PCNX2: variants seen among roughly 807,000 people sequenced by gnomAD.
The protein encoded by PCNX2 is pecanex-like protein 2.
In PCNX2, 168 loss-of-function variants were observed where a neutral mutation model predicts 223.8. The ratio of observed to expected loss-of-function variants is 0.75; its 90% CI spans 0.66 to 0.85. PCNX2 has a LOEUF of 0.85. PCNX2 is among the 40% of genes least tolerant of loss of function. The pLI is 0.00. For missense variants in PCNX2, 2,507 were observed against 2,675.5 expected (o/e 0.94, Z 1.39); for synonymous variants, 1,006 against 1,052.6 (o/e 0.96, Z 0.86).
At chr1:233,287,641 A>T (rs1245538360) in intron 1 of PCNX2, among the ~76,000 whole-genome samples, 4 of 152,166 alleles carry the variant, frequency 2.6e-5, no homozygotes, top group African/African-American at 7.2e-5. Context: ...TCTTTCCTTT[A>T]TAAACTACCC....
chr1:233,241,936 C>T (rs1377348827), intron 8 of PCNX2, among the ~76,000 whole-genome samples: 1 of 152,038 alleles, frequency 6.6e-6, no homozygotes, highest in African/African-American at 2.4e-5. Context: ...TATTTATTGC[C>T]GTTTTCTGCC....
chr1:233,275,086 T>C (rs1354765876), intron 1 of PCNX2, among the ~76,000 whole-genome samples: 1 of 152,170 alleles, frequency 6.6e-6, no homozygotes, highest in African/African-American at 2.4e-5. Context: ...AACAGTAAAG[T>C]GTGATATAAA....
intron 21 of PCNX2, among the ~76,000 whole-genome samples, chr1:233,120,164 C>CAAAAAA (rs1228898502): frequency 4.5e-4 from 19 of 42,578 alleles, no homozygotes; most frequent in South Asian, 8.8e-4. Context: ...GACTCCATTT[C>CAAAAAA]AAAAAAAAAA....
chr1:233,023,458 C>A (rs556823760), intron 26 of PCNX2, among the ~76,000 whole-genome samples: 1 of 152,292 alleles, frequency 6.6e-6, no homozygotes, highest in African/African-American at 2.4e-5. Flanking sequence ...TTTTCTGTGT[C>A]CTTTCCTCTA....
At position 232,986,186 on chromosome 1, in the gene PCNX2, G is replaced by A. The variant is rs976560263; in HGVS notation, c.6146C>T (p.Ala2049Val). ...SSALVISGLS[A>V]AEGGNTSDTQ... ...GTCACTGGTATTGCCCCCCTCCGCA[G>A]CAGAGAGTCCGGAAATGACGAGCGC... The change falls in exon 33 of 34, where the codon GCT (alanine) becomes GTT (valine). Residue 2049 changes from alanine (A) to valine (V), a missense_variant. Physicochemically the swap from Ala to Val is moderately conservative, Grantham distance 64. Transcript: ENST00000258229. 2.9e-5 allele frequency: 45 copies of A among 1,561,658 alleles called. No homozygotes were observed. The highest frequency in any genetic ancestry group is 3.7e-5 in the Non-Finnish European group (43 of 1,152,186).
At chr1:233,054,195 T>C (rs950769987) in intron 25 of PCNX2, 73 bp downstream of exon 25, 2 of 1,391,666 alleles carry the variant, frequency 1.4e-6, no homozygotes, top group African/African-American at 2.9e-5. Flanking sequence ...CAGTGACTTC[T>C]TCCTAAAGTT....
intron 17 of PCNX2, among the ~76,000 whole-genome samples, chr1:233,163,980 T>C (rs1483752852): frequency 2.0e-5 from 3 of 152,192 alleles, no homozygotes; most frequent in Non-Finnish European, 2.9e-5. Context: ...TTTGGCTATT[T>C]GCAGCTAAAT....
At chr1:233,206,089 G>A (rs1046102431) in intron 13 of PCNX2, among the ~76,000 whole-genome samples, 3 of 151,866 alleles carry the variant, frequency 2.0e-5, no homozygotes, top group African/African-American at 7.3e-5. Flanking sequence ...ATGAGAAGGG[G>A]CCACAGTAAT....
intron 27 of PCNX2, among the ~76,000 whole-genome samples, chr1:233,016,071 A>C (rs955695123): frequency 6.6e-6 from 1 of 152,236 alleles, no homozygotes; most frequent in Non-Finnish European, 1.5e-5. Context: ...CTGCTGAAAG[A>C]GGCCTGGCAT....
At position 233,087,604 on chromosome 1, in the gene PCNX2, C is replaced by A. The variant is rs186387500; in HGVS notation, c.4076+2457G>T. The stretch of plus-strand genomic sequence containing the variant: ...GAGCTTTCCAGAGTGTTTGTAAGGA[C>A]CAGATGAGATTTCCTGTCACTTCCT... On this transcript the variant is annotated intron_variant, in intron 23 of 33. Transcript: ENST00000258229. 3.6e-3 allele frequency among the ~76,000 whole-genome samples: 543 copies of A among 152,244 alleles called. 6 individuals carry two copies. Among genetic ancestry groups the A allele is most frequent in the African/African-American group, 0.012 (501 of 41,558 alleles).
chr1:233,133,150 C>T (rs544810541), intron 21 of PCNX2, among the ~76,000 whole-genome samples: 60 of 152,236 alleles, frequency 3.9e-4, no homozygotes, highest in Non-Finnish European at 7.6e-4. Flanking sequence ...CTGCCCATCT[C>T]AGCCTCCCAA....
intron 12 of PCNX2, among the ~76,000 whole-genome samples, chr1:233,212,213 C>T (rs1443916840): frequency 6.6e-6 from 1 of 152,148 alleles, no homozygotes; most frequent in African/African-American, 2.4e-5. Context: ...CGGGCACCCA[C>T]CACCCCACTG....
intron 17 of PCNX2, among the ~76,000 whole-genome samples, chr1:233,165,990 T>C (rs1019888879): frequency 3.9e-5 from 6 of 152,216 alleles, no homozygotes; most frequent in Admixed American, 1.3e-4. Context: ...AACTATGGTA[T>C]TGATGGTATT....
At chr1:233,104,675 A>G (rs1261605017) in intron 21 of PCNX2, among the ~76,000 whole-genome samples, 3 of 152,182 alleles carry the variant, frequency 2.0e-5, no homozygotes, top group African/African-American at 7.2e-5. Context: ...TCTAAGAGAT[A>G]TGTATATTAG....
intron 23 of PCNX2, among the ~76,000 whole-genome samples, chr1:233,082,873 T>A (rs1673422294): frequency 6.6e-6 from 1 of 152,158 alleles, no homozygotes; most frequent in African/African-American, 2.4e-5. Flanking sequence ...TGACAGGTAA[T>A]CCCATCTGCT....
chr1:233,081,667 T>C (rs1418129187), intron 23 of PCNX2, among the ~76,000 whole-genome samples: 1 of 152,226 alleles, frequency 6.6e-6, no homozygotes, highest in Non-Finnish European at 1.5e-5. Context: ...GAGCTATAAA[T>C]GTTTTGTGGT....
At chr1:233,217,604 C>T (rs1419236447) in intron 12 of PCNX2, among the ~76,000 whole-genome samples, 8 of 152,118 alleles carry the variant, frequency 5.3e-5, no homozygotes, top group Non-Finnish European at 1.0e-4. Context: ...CGTCTGCGGT[C>T]TTCCCCCAAG....
intron 1 of PCNX2, chr1:233,290,678 G>C: frequency 1.1e-6 from 1 of 914,204 alleles, no homozygotes; most frequent in Non-Finnish European, 1.3e-6. Flanking sequence ...TGCTATGCTA[G>C]TGCTTGACAG....
intron 19 of PCNX2, among the ~76,000 whole-genome samples, chr1:233,158,192 C>A (rs1048496853): frequency 6.6e-6 from 1 of 152,088 alleles, no homozygotes; most frequent in Non-Finnish European, 1.5e-5. Flanking sequence ...AACCAGAAAC[C>A]GAGTTGTTAA....
Sources: allele counts gnomAD v4.1 joint callset (sites outside exome capture counted in the v4.1 genomes callset), GRCh38; gene constraint gnomAD v4.1.1; transcripts MANE v1.5; gene names NCBI Gene and HGNC (gene_info 2026-07-23, HGNC 2026-07-21).